PEX14: variants seen among roughly 807,000 people sequenced by gnomAD.
PEX14 encodes the protein peroxisomal membrane protein PEX14.
In PEX14, 15 loss-of-function variants were observed where a neutral mutation model predicts 49.5. The observed-to-expected ratio is 0.30, with a 90% CI of 0.20 to 0.47. The LOEUF (loss-of-function observed/expected upper bound fraction) is 0.47. Among genes scored for constraint, PEX14 ranks in the 20% least tolerant of loss-of-function variants. The pLI, the probability that PEX14 is intolerant of heterozygous loss-of-function variation, is 1.00. For missense variants in PEX14, 398 were observed against 494.8 expected (o/e 0.80, Z 1.86); for synonymous variants, 210 against 212.7 (o/e 0.99, Z 0.11).
intron 3 of PEX14, among the ~76,000 whole-genome samples, chr1:10,568,872 T>C (rs538780987): frequency 6.6e-6 from 1 of 152,084 alleles, no homozygotes; most frequent in Non-Finnish European, 1.5e-5. Context: ...CCCAAGTAGC[T>C]GGGATTACAG....
rs1641659282 is a variant in PEX14, at chr1:10,623,623, G to A, written c.487+502G>A. Among the ~76,000 whole-genome samples, 2 of 152,184 alleles carry A rather than the reference G, an allele frequency of 1.3e-5. No individual in the cohort carries two copies. The highest frequency in any genetic ancestry group is 2.9e-5 in the Non-Finnish European group (2 of 68,036). On this transcript the variant is annotated intron_variant, in intron 6 of 8. Transcript: ENST00000356607. This position sits in a 1 kb window ranked among gnomAD's most constrained non-coding sequence, Gnocchi z 4.4. The stretch of plus-strand genomic sequence containing the variant: ...TTAGCTGGGACCTGTCGCGCCAGAG[G>A]TGGCTTCTCTTCTTTATAAACTTGT...
intron 3 of PEX14, among the ~76,000 whole-genome samples, chr1:10,562,240 C>T (rs1418700133): frequency 6.6e-6 from 1 of 152,040 alleles, no homozygotes; most frequent in Non-Finnish European, 1.5e-5. Context: ...CTTCTTTTCT[C>T]CACCCACCCC....
intron 3 of PEX14, among the ~76,000 whole-genome samples, chr1:10,582,480 T>C (rs931142676): frequency 5.7e-4 from 86 of 152,136 alleles, no homozygotes; most frequent in African/African-American, 1.8e-3. Flanking sequence ...ATTGTCTAGA[T>C]AGTAATTGCT....
chr1:10,618,488 T>C, intron 5 of PEX14, 71 bp downstream of exon 5: 1 of 1,143,518 alleles, frequency 8.7e-7, no homozygotes. Context: ...CTTTCACTGG[T>C]TCCCCTGCAT....
intron 3 of PEX14, among the ~76,000 whole-genome samples, chr1:10,569,468 G>A (rs147463646): frequency 2.7e-3 from 404 of 152,248 alleles, no homozygotes; most frequent in Middle Eastern, 6.8e-3. Flanking sequence ...TCTGGACTGC[G>A]CTCTCTAGAC....
chr1:10,590,240 C>G (rs1640621625), intron 3 of PEX14, among the ~76,000 whole-genome samples: 2 of 152,212 alleles, frequency 1.3e-5, no homozygotes, highest in Non-Finnish European at 2.9e-5. Flanking sequence ...AAACCGTGAG[C>G]CTGCAAACCG....
chr1:10,477,882 G>GTTAT (rs926606346), intron 1 of PEX14, among the ~76,000 whole-genome samples: 12 of 152,126 alleles, frequency 7.9e-5, no homozygotes, highest in Middle Eastern at 3.4e-3. Flanking sequence ...GACTAAATGA[G>GTTAT]TTATTTATTT....
intron 4 of PEX14, among the ~76,000 whole-genome samples, chr1:10,603,540 A>G (rs1641044937): frequency 6.7e-6 from 1 of 149,216 alleles, no homozygotes; most frequent in East Asian, 1.9e-4. Flanking sequence ...AAGTTGGTAC[A>G]GTTCAGGAGA....
intron 4 of PEX14, among the ~76,000 whole-genome samples, chr1:10,607,724 A>G (rs1371108715): frequency 2.6e-5 from 4 of 152,074 alleles, no homozygotes; most frequent in Non-Finnish European, 5.9e-5. Context: ...CCCATTATTA[A>G]CAGTCTTCTT....
At chr1:10,560,163 T>C (rs1639613289) in intron 3 of PEX14, among the ~76,000 whole-genome samples, 1 of 152,036 alleles carries the variant, frequency 6.6e-6, no homozygotes, top group Non-Finnish European at 1.5e-5. Context: ...GTTCAAGCAA[T>C]TCTCCTGCCT....
At chr1:10,599,955 G>A (rs1640936422) in intron 4 of PEX14, among the ~76,000 whole-genome samples, 2 of 152,020 alleles carry the variant, frequency 1.3e-5, no homozygotes, top group South Asian at 2.1e-4. Context: ...GGGGTCTTTC[G>A]TTGTCTTAAA....
At chr1:10,518,754 C>T (rs1334359315) in intron 2 of PEX14, among the ~76,000 whole-genome samples, 1 of 152,160 alleles carries the variant, frequency 6.6e-6, no homozygotes, top group East Asian at 1.9e-4. Flanking sequence ...GTGCTTCCTG[C>T]GTTCCCAGCC....
chr1:10,535,990 G>T, intron 2 of PEX14: 1 of 531,452 alleles, frequency 1.9e-6, no homozygotes, highest in Non-Finnish European at 3.4e-6. Flanking sequence ...GCTCGGCAGA[G>T]GGATTAGATT....
chr1:10,564,798 A>G (rs1434154850), intron 3 of PEX14, among the ~76,000 whole-genome samples: 3 of 151,378 alleles, frequency 2.0e-5, no homozygotes, highest in Non-Finnish European at 4.4e-5. Context: ...CATTGAATAT[A>G]TTAATTAGTT....
intron 2 of PEX14, among the ~76,000 whole-genome samples, chr1:10,507,413 C>G (rs61219479): frequency 6.6e-6 from 1 of 152,230 alleles, no homozygotes; most frequent in Non-Finnish European, 1.5e-5. Flanking sequence ...GTGTGCTCTC[C>G]GTGGTTGGAG....
intron 3 of PEX14, among the ~76,000 whole-genome samples, chr1:10,547,910 G>A (rs964580362): frequency 5.9e-5 from 9 of 152,056 alleles, no homozygotes; most frequent in Middle Eastern, 3.2e-3. Flanking sequence ...ACTGGCTTTC[G>A]AGATGATTTT....
In PEX14 at chr1:10,499,230, A is replaced by C. The variant is rs78397159; in HGVS notation, c.84+3909A>C. Among the ~76,000 whole-genome samples, 42 of 152,306 alleles carry C rather than the reference A, an allele frequency of 2.8e-4. No individual in the cohort carries two copies. In the East Asian group the frequency reaches 7.9e-3, roughly 29 times the overall value. On this transcript the variant is annotated intron_variant, in intron 2 of 8. Transcript: ENST00000356607. ...TCACTTGTTTCAATTCAGTTTCTCA[A>C]TGTTCAGCAATACTATAGCTCATCT...
In PEX14 at chr1:10,530,885, A is replaced by G. The variant is rs557951464; in HGVS notation, c.85-5328A>G. Among the ~76,000 whole-genome samples, 5 of 152,252 alleles carry G rather than the reference A, an allele frequency of 3.3e-5. No homozygotes were observed. In the South Asian group the frequency reaches 1.0e-3, roughly 32 times the overall value. On this transcript the variant is annotated intron_variant, in intron 2 of 8. Coordinates refer to ENST00000356607, the MANE Select transcript of PEX14 (RefSeq NM_004565.3). The stretch of plus-strand genomic sequence containing the variant: ...TTGCCCTCCTGCCACACTGAGAATG[A>G]CAATTCCGACGCTTGCTTTCTTTTG...
intron 2 of PEX14, among the ~76,000 whole-genome samples, chr1:10,515,066 G>A (rs922270890): frequency 2.0e-5 from 3 of 152,186 alleles, no homozygotes; most frequent in Non-Finnish European, 2.9e-5. Context: ...AGTGGGCTCC[G>A]TCCTCCAGCG....
Sources: gnomAD v4.1 joint callset for allele counts (sites outside exome capture counted in the v4.1 genomes callset) on GRCh38, gnomAD v4.1.1 for gene constraint, Gnocchi (gnomAD v3.1) non-coding constraint, MANE v1.5 for transcripts, NCBI Gene and HGNC (gene_info 2026-07-23, HGNC 2026-07-21) for gene names.